Variants in PLCH1 observed in about 807,000 individuals in gnomAD.
The protein encoded by PLCH1 is phospholipase C eta 1, also known as 1-phosphatidylinositol 4,5-bisphosphate phosphodiesterase eta-1.
Under a neutral mutation model 126.7 loss-of-function variants are expected in PLCH1, and 60 were observed. The observed-to-expected ratio is 0.47, with a 90% CI of 0.38 to 0.59. PLCH1 has a LOEUF of 0.59. Ranked by LOEUF, PLCH1 falls within the 20% of genes least tolerant of loss-of-function variation. PLCH1 has a pLI of 0.00. For missense variants in PLCH1, 1,723 were observed against 2,040.0 expected, an observed-to-expected ratio of 0.84 and a Z score of 2.99; for synonymous variants, 719 against 734.9, an observed-to-expected ratio of 0.98 and a Z score of 0.35.
intron 2 of PLCH1, among the ~76,000 whole-genome samples, chr3:155,656,549 T>C (rs919963422): frequency 6.6e-6 from 1 of 152,204 alleles, no homozygotes; most frequent in Non-Finnish European, 1.5e-5. Context: ...AGAAAAATCA[T>C]ATGATTATCT....
intron 2 of PLCH1, among the ~76,000 whole-genome samples, chr3:155,642,900 G>A (rs1220154535): frequency 1.3e-5 from 2 of 152,088 alleles, no homozygotes; most frequent in African/African-American, 4.8e-5. Context: ...CCAAAGCTAG[G>A]TCATAATGGG....
At chr3:155,505,925 A>G (rs1718601730) in intron 12 of PLCH1, among the ~76,000 whole-genome samples, 1 of 151,062 alleles carries the variant, frequency 6.6e-6, no homozygotes. Context: ...GAAATGGACC[A>G]ATTAATCTGT....
intron 1 of PLCH1, among the ~76,000 whole-genome samples, chr3:155,718,527 T>C (rs1386656218): frequency 6.6e-6 from 1 of 152,134 alleles, no homozygotes; most frequent in East Asian, 1.9e-4. Context: ...TTCTGAAGGA[T>C]GTACAGGAAG....
intron 6 of PLCH1, among the ~76,000 whole-genome samples, chr3:155,580,170 T>C (rs964593833): frequency 7.9e-5 from 12 of 152,226 alleles, no homozygotes; most frequent in Non-Finnish European, 1.8e-4. Context: ...CACTGTTTTG[T>C]TAATTATAAA....
rs184038103 is a variant in PLCH1, at chr3:155,452,854, A to C, written c.2938+32502T>G. Among the ~76,000 whole-genome samples the C allele has an allele frequency of 5.9e-5, 9 of 152,314 alleles. No individual in the cohort carries two copies. In the East Asian group the frequency reaches 1.7e-3, roughly 29 times the overall value. ...AGGAGACCCTTATCTCCTATAATAC[A>C]AGGCTGAGATTGCTGAAAATTAAAT... On this transcript the variant is annotated intron_variant, in intron 21 of 21. Transcript: ENST00000494598.
At chr3:155,739,141 A>G (rs73156593) in intron 1 of PLCH1, among the ~76,000 whole-genome samples, 13,727 of 152,254 alleles carry the variant, frequency 0.09, 853 homozygotes, top group Middle Eastern at 0.14. Flanking sequence ...TAGGAGCACC[A>G]AAACTCCAGC....
At position 155,594,024 on chromosome 3, in the gene PLCH1, G is replaced by A. The variant is rs1405050835; in HGVS notation, c.387C>T (p.Arg129=). The change falls in exon 4 of 23, where the codon CGC becomes CGT. Residue 129 remains arginine, a synonymous_variant. Transcript: ENST00000460012. The part of the protein sequence containing the change: ...DLITSNPEEA[R]TWITGLKYLM... Reference sequence around the variant, plus strand: ...GGTACTTGAGGCCTGTGATCCAGGTGCGGGCCTCCTCGGGGTTGGAGGTGA... The same window carrying A: ...GGTACTTGAGGCCTGTGATCCAGGTACGGGCCTCCTCGGGGTTGGAGGTGA... The A allele has an allele frequency of 6.2e-7, 1 of 1,613,866 alleles. No individual in the cohort carries two copies. Among genetic ancestry groups the A allele is most frequent in the Non-Finnish European group, 8.5e-7 (1 of 1,179,826 alleles).
intron 21 of PLCH1, among the ~76,000 whole-genome samples, chr3:155,462,880 G>A (rs1311682716): frequency 6.6e-6 from 1 of 152,202 alleles, no homozygotes; most frequent in African/African-American, 2.4e-5. Flanking sequence ...TGGATGCCTG[G>A]AGGGATTGTG....
intron 21 of PLCH1, among the ~76,000 whole-genome samples, chr3:155,474,431 G>A (rs1713426781): frequency 6.7e-6 from 1 of 148,344 alleles, no homozygotes; most frequent in Non-Finnish European, 1.5e-5. Context: ...GAAACAACAG[G>A]TGCTGGAGAG....
chr3:155,503,551 T>TC (rs397955452), intron 13 of PLCH1, among the ~76,000 whole-genome samples: 1 of 151,734 alleles, frequency 6.6e-6, no homozygotes, highest in African/African-American at 2.4e-5. Flanking sequence ...TTTTTTTTTT[T>TC]CTGTAGATGG....
At chr3:155,537,262 A>C in intron 10 of PLCH1, among the ~76,000 whole-genome samples, 1 of 116,014 alleles carries the variant, frequency 8.6e-6, no homozygotes, top group African/African-American at 3.1e-5. Flanking sequence ...TCTTGAAAGA[A>C]AACCTCAAAA....
At chr3:155,631,147 T>A (rs570199320) in intron 2 of PLCH1, among the ~76,000 whole-genome samples, 1 of 152,230 alleles carries the variant, frequency 6.6e-6, no homozygotes, top group Admixed American at 6.5e-5. Flanking sequence ...CAGCAATGCA[T>A]TAAGGGAACA....
intron 17 of PLCH1, among the ~76,000 whole-genome samples, chr3:155,493,197 CAGAA>C (rs1716516899): frequency 6.6e-6 from 1 of 152,140 alleles, no homozygotes. Context: ...ATATAACAAA[CAGAA>C]AGAAGACTTG....
chr3:155,581,491 T>C (rs1730669793), intron 6 of PLCH1, among the ~76,000 whole-genome samples: 1 of 152,160 alleles, frequency 6.6e-6, no homozygotes, highest in Non-Finnish European at 1.5e-5. Flanking sequence ...ATACTGATAA[T>C]GCTACAACAT....
At chr3:155,606,576 G>A (rs965856148) in intron 2 of PLCH1, among the ~76,000 whole-genome samples, 1 of 152,178 alleles carries the variant, frequency 6.6e-6, no homozygotes, top group Non-Finnish European at 1.5e-5. Flanking sequence ...TTGCTCTGTA[G>A]TAGTAACCAT....
In PLCH1 at chr3:155,566,288, T is replaced by C. The variant is rs1161671161; in HGVS notation, c.866-1170A>G. On this transcript the variant is annotated intron_variant, in intron 7 of 22. Coordinates refer to ENST00000460012, the MANE Select transcript of PLCH1 (RefSeq NM_014996.4). ...ATATATATACATATATACATATATATACGTATATATACACATATATATACA... is the reference window on the plus strand; with the variant it reads ...ATATATATACATATATACATATATACACGTATATATACACATATATATACA... 1.9e-4 allele frequency among the ~76,000 whole-genome samples: 11 copies of C among 58,168 alleles called. 2 individuals are homozygous for C. Among genetic ancestry groups the C allele is most frequent in the African/African-American group, 4.8e-4 (10 of 20,850 alleles). The allele number at this position is 58,168 out of a possible 152,430, so 38.2% of individuals were successfully genotyped here. A position where few individuals can be genotyped will look rare whatever the true frequency, so the allele number is the denominator to read the frequency against.
intron 10 of PLCH1, among the ~76,000 whole-genome samples, chr3:155,548,070 G>A (rs761488101): frequency 3.0e-4 from 46 of 152,074 alleles, no homozygotes; most frequent in Non-Finnish European, 5.9e-4. Context: ...TTTAAAAAAT[G>A]AACTTTGCCT....
chr3:155,676,146 C>T (rs1483026397), intron 2 of PLCH1: 16 of 1,363,696 alleles, frequency 1.2e-5, no homozygotes, highest in Admixed American at 3.3e-5. Flanking sequence ...GGAAAAAAGG[C>T]AAAGAAATCC....
rs1728122704 is a variant in PLCH1, at chr3:155,564,921, C to T, written c.1063G>A (p.Val355Met). 3 of 1,612,258 alleles carry T rather than the reference C, an allele frequency of 1.9e-6. No individual in the cohort carries two copies. Among genetic ancestry groups the T allele is most frequent in the Non-Finnish European group, 1.7e-6 (2 of 1,178,548 alleles). Residue 355 changes from valine to methionine, a missense_variant, in exon 8 of 23, where the codon GTG becomes ATG. By Grantham distance (21) the Val-to-Met change is conservative. Around this residue, in one of 2 missense-constraint regions of PLCH1, gnomAD observed 776 missense variants for 1,062.9 expected, o/e 0.73. Coordinates refer to ENST00000460012, the MANE Select transcript of PLCH1 (RefSeq NM_014996.4). ...ARVLQEGCRC[V>M]EVDCWDGPDG... Reference sequence around the variant, plus strand: ...TCAGAAAAAGTGCACGTACCTTCCACACAGCGACAGCCCTCTTGCAGCACC... The same window carrying T: ...TCAGAAAAAGTGCACGTACCTTCCATACAGCGACAGCCCTCTTGCAGCACC...
Sources: allele counts gnomAD v4.1 joint callset (sites outside exome capture counted in the v4.1 genomes callset), GRCh38; gene constraint gnomAD v4.1.1; regional missense constraint gnomAD v4.1.1; transcripts MANE v1.5; gene names NCBI Gene and HGNC (gene_info 2026-07-23, HGNC 2026-07-21).